Variants in GDPD4 observed in about 807,000 individuals in gnomAD.
GDPD4 encodes glycerophosphodiester phosphodiesterase domain containing 4.
GDPD4 carries 60 observed loss-of-function variants against 67.8 expected under a neutral mutation model. That is an observed-to-expected ratio of 0.88 (90% CI 0.72 to 1.10). The LOEUF (loss-of-function observed/expected upper bound fraction) is 1.10. Among genes scored for constraint, GDPD4 ranks in the 50% least tolerant of loss-of-function variants. The pLI, the probability that GDPD4 is intolerant of heterozygous loss-of-function variation, is 0.00. For synonymous variants in GDPD4, 212 were observed against 210.9 expected (o/e 1.00, Z -0.04); for missense variants, 623 against 613.9 (o/e 1.01, Z -0.16).
intron 16 of GDPD4, among the ~76,000 whole-genome samples, chr11:77,217,904 T>C (rs576706418): frequency 1.6e-4 from 25 of 152,308 alleles, no homozygotes; most frequent in Non-Finnish European, 1.8e-4. Flanking sequence ...TACAGAGAAA[T>C]TGCATGGCCA....
At chr11:77,275,039 AAT>A (rs1290545053) in intron 5 of GDPD4, among the ~76,000 whole-genome samples, 2 of 152,222 alleles carry the variant, frequency 1.3e-5, no homozygotes, top group African/African-American at 2.4e-5. Flanking sequence ...TAGTTCAAAA[AAT>A]AGTTTCAAAA....
chr11:77,218,627 A>T lies in GDPD4; in HGVS notation c.1526-1313T>A, dbSNP rs569080306. Among the ~76,000 whole-genome samples, 3 of 152,308 alleles carry T rather than the reference A, an allele frequency of 2.0e-5. No individual in the cohort carries two copies. In the East Asian group the frequency reaches 5.8e-4, roughly 29 times the overall value. The stretch of plus-strand genomic sequence containing the variant: ...ATTGTTCAATTCCCTCCTATGAGTG[A>T]GAACATGCGGTGTTTGGTTTTCTGT... On this transcript the variant is annotated intron_variant, in intron 16 of 16. Transcript: ENST00000315938.
chr11:77,240,579 A>G lies in GDPD4; in HGVS notation c.1241+3115T>C, dbSNP rs1373005445. Among the ~76,000 whole-genome samples the G allele has an allele frequency of 2.6e-5, 4 of 152,178 alleles. No individual in the cohort carries two copies. The East Asian group carries it at 7.7e-4, about 29-fold the overall frequency. On this transcript the variant is annotated intron_variant, in intron 13 of 16. Transcript: ENST00000315938. ...CCACAACATTGGTCTCTGGGCAATG[A>G]TTTTTTGGATATGACCCCAAAAGCA...
chr11:77,290,325 C>T (rs1470528140), intron 1 of GDPD4, among the ~76,000 whole-genome samples: 1 of 152,154 alleles, frequency 6.6e-6, no homozygotes, highest in African/African-American at 2.4e-5. Flanking sequence ...TTCTTCCCAT[C>T]GGCACATAAA....
chr11:77,281,177 A>T (rs1398580712), intron 3 of GDPD4, among the ~76,000 whole-genome samples: 6 of 152,166 alleles, frequency 3.9e-5, no homozygotes, highest in Non-Finnish European at 8.8e-5. Flanking sequence ...TGTAAAATCC[A>T]TATTTTCTGT....
intron 10 of GDPD4, 137 bp from the exon 11 acceptor site, chr11:77,258,679 G>T: frequency 2.8e-6 from 2 of 703,172 alleles, no homozygotes; most frequent in Non-Finnish European, 4.9e-6. Context: ...CTTAGAAAAG[G>T]GCTACATATC....
intron 4 of GDPD4, 95 bp from the exon 5 acceptor site, chr11:77,276,315 T>C (rs1591569485): frequency 1.1e-6 from 1 of 891,536 alleles, no homozygotes; most frequent in Non-Finnish European, 1.9e-6. Flanking sequence ...GTTCACAGTC[T>C]AGCAGTACAC....
At position 77,220,803 on chromosome 11, in the gene GDPD4, T is replaced by A. The variant is rs184000533; in HGVS notation, c.1526-3489A>T. 1.6e-3 allele frequency among the ~76,000 whole-genome samples: 240 copies of A among 152,188 alleles called. 3 individuals carry two copies. The highest frequency in any genetic ancestry group is 5.6e-3 in the African/African-American group (232 of 41,566). On this transcript the variant is annotated intron_variant, in intron 16 of 16. Coordinates refer to ENST00000315938, the MANE Select transcript of GDPD4 (RefSeq NM_182833.3). ...TAGTACCAGCTCCTCTTTGTATCTCTGGTAGAATTCAGCTGTGAATCCGTC... is the reference window on the plus strand; with the variant it reads ...TAGTACCAGCTCCTCTTTGTATCTCAGGTAGAATTCAGCTGTGAATCCGTC...
At chr11:77,264,372 G>T (rs1959167843) in intron 10 of GDPD4, among the ~76,000 whole-genome samples, 1 of 152,106 alleles carries the variant, frequency 6.6e-6, no homozygotes, top group African/African-American at 2.4e-5. Flanking sequence ...TCACTTTGGG[G>T]TGAACTTGGG....
At chr11:77,247,827 G>A (rs11237149) in intron 11 of GDPD4, among the ~76,000 whole-genome samples, 44 of 152,170 alleles carry the variant, frequency 2.9e-4, no homozygotes, top group South Asian at 2.3e-3. Context: ...CGAGACGGGC[G>A]AATCACCTGA....
intron 11 of GDPD4, among the ~76,000 whole-genome samples, chr11:77,254,565 C>T (rs1243277761): frequency 6.6e-6 from 1 of 152,142 alleles, no homozygotes; most frequent in African/African-American, 2.4e-5. Flanking sequence ...GTCATCCTGC[C>T]TGTTCCTTCA....
chr11:77,243,331 A>G (rs537120885), intron 13 of GDPD4, among the ~76,000 whole-genome samples: 9 of 152,310 alleles, frequency 5.9e-5, no homozygotes, highest in Non-Finnish European at 1.2e-4. Flanking sequence ...ACTGCCATCC[A>G]TCTGGTAATG....
intron 3 of GDPD4, among the ~76,000 whole-genome samples, chr11:77,281,357 C>CTA (rs1374632019): frequency 6.6e-6 from 1 of 152,052 alleles, no homozygotes; most frequent in African/African-American, 2.4e-5. Flanking sequence ...AAGATACCAT[C>CTA]GATGGTGGAG....
intron 16 of GDPD4, among the ~76,000 whole-genome samples, chr11:77,227,021 TC>T: frequency 6.6e-6 from 1 of 152,300 alleles, no homozygotes; most frequent in Middle Eastern, 3.4e-3. Flanking sequence ...TTGTGACTGT[TC>T]CAACTTTAAT....
chr11:77,263,235 T>C (rs943441944), intron 10 of GDPD4, among the ~76,000 whole-genome samples: 2 of 152,188 alleles, frequency 1.3e-5, no homozygotes, highest in Admixed American at 1.3e-4. Flanking sequence ...AACTTTTTTC[T>C]CATTTTTTAA....
At position 77,217,196 on chromosome 11, in the gene GDPD4, G is replaced by T. The variant is rs770378196; in HGVS notation, c.*81C>A. On this transcript the variant is annotated 3_prime_UTR_variant, in exon 17 of 17. Transcript: ENST00000315938. The stretch of plus-strand genomic sequence containing the variant: ...GTGTTCCTTTCCACTCTTGGGTAGA[G>T]CCGGGTAGAGGGCTGCTAGAGTCCA... The T allele has an allele frequency of 1.9e-6, 2 of 1,047,144 alleles. No individual in the cohort carries two copies. Among genetic ancestry groups the T allele is most frequent in the Non-Finnish European group, 3.0e-6 (2 of 662,080 alleles). The allele number at this position is 1,047,144 out of a possible 1,614,324, so 64.9% of individuals were successfully genotyped here.
intron 10 of GDPD4, among the ~76,000 whole-genome samples, chr11:77,260,107 G>C (rs1959082720): frequency 6.6e-6 from 1 of 152,124 alleles, no homozygotes; most frequent in African/African-American, 2.4e-5. Flanking sequence ...TCGAGATCAA[G>C]ACCATCCTGG....
chr11:77,247,924 T>C (rs1354712030), intron 11 of GDPD4, among the ~76,000 whole-genome samples: 1 of 151,644 alleles, frequency 6.6e-6, no homozygotes, highest in Non-Finnish European at 1.5e-5. Flanking sequence ...TGGTGGCACA[T>C]GCCTGTAATC....
intron 1 of GDPD4, among the ~76,000 whole-genome samples, chr11:77,300,793 C>T (rs1287986375): frequency 6.6e-6 from 1 of 152,148 alleles, no homozygotes; most frequent in Admixed American, 6.6e-5. Context: ...ATTAAACACA[C>T]AGAAACCTAC....
Sources: gnomAD v4.1 joint callset for allele counts (sites outside exome capture counted in the v4.1 genomes callset) on GRCh38, gnomAD v4.1.1 for gene constraint, MANE v1.5 for transcripts, NCBI Gene and HGNC (gene_info 2026-07-23, HGNC 2026-07-21) for gene names.